Variants in TPH1 observed in about 807,000 individuals in gnomAD.
TPH1 encodes the protein tryptophan 5-hydroxylase 1.
TPH1 carries 37 observed loss-of-function variants against 49.5 expected under a neutral mutation model. The observed-to-expected ratio is 0.75, with a 90% CI of 0.58 to 0.98. The LOEUF (loss-of-function observed/expected upper bound fraction) is 0.98. Ranked by LOEUF, TPH1 falls within the 50% of genes least tolerant of loss-of-function variation. The pLI is 0.00. For synonymous variants in TPH1, 160 were observed against 182.1 expected, an observed-to-expected ratio of 0.88 and a Z score of 0.98; for missense variants, 487 against 523.6, an observed-to-expected ratio of 0.93 and a Z score of 0.68.
intron 7 of TPH1, among the ~76,000 whole-genome samples, chr11:18,025,924 C>T (rs1027381989): frequency 4.6e-5 from 7 of 151,984 alleles, no homozygotes; most frequent in Admixed American, 1.3e-4. Flanking sequence ...TATGGACATC[C>T]ACATGCCACT....
At position 18,017,593 on chromosome 11, in the gene TPH1, G is replaced by A. The variant is rs982033567; in HGVS notation, c.*3398C>T. On this transcript the variant is annotated 3_prime_UTR_variant, in exon 11 of 11. Coordinates refer to ENST00000682019, the MANE Select transcript of TPH1 (RefSeq NM_004179.3). The stretch of plus-strand genomic sequence containing the variant: ...TTTTGTGTTCATTTATTATCCCACT[G>A]AATAACAAACTTGTAAATCATAAAT... 6.6e-6 allele frequency: 1 copy of A among 152,072 alleles called. No individual in the cohort carries two copies. The highest frequency in any genetic ancestry group is 2.4e-5 in the African/African-American group (1 of 41,390). 9.4% of individuals were successfully genotyped at this position (152,072 alleles called of 1,614,324 possible). A position where few individuals can be genotyped will look rare whatever the true frequency, so the allele number is the denominator to read the frequency against.
At chr11:18,038,280 A>G (rs565818099) in intron 2 of TPH1, among the ~76,000 whole-genome samples, 2 of 152,334 alleles carry the variant, frequency 1.3e-5, no homozygotes, top group South Asian at 4.1e-4. Context: ...TCCACTAGGC[A>G]GGGGATAACT....
chr11:18,037,298 C>A (rs1007445111), intron 2 of TPH1, among the ~76,000 whole-genome samples: 2 of 149,754 alleles, frequency 1.3e-5, no homozygotes, highest in African/African-American at 4.9e-5. Context: ...GTTAAGGCTA[C>A]AGTGAGCTGT....
At chr11:18,039,193 A>G (rs1198255596) in intron 2 of TPH1, among the ~76,000 whole-genome samples, 1 of 152,218 alleles carries the variant, frequency 6.6e-6, no homozygotes, top group Non-Finnish European at 1.5e-5. Flanking sequence ...CTTTGCAAAC[A>G]GCTATATAAT....
Position 18,019,402 on chromosome 11 carries a change from A to G in TPH1, c.*1589T>C, listed in dbSNP as rs945622975. The G allele has an allele frequency of 4.2e-6, 1 of 237,446 alleles. No homozygotes were observed. The highest frequency in any genetic ancestry group is 2.3e-5 in the African/African-American group (1 of 43,344). The allele number at this position is 237,446 out of a possible 1,614,324, so 14.7% of individuals were successfully genotyped here. On this transcript the variant is annotated 3_prime_UTR_variant, in exon 11 of 11. Coordinates refer to ENST00000682019, the MANE Select transcript of TPH1 (RefSeq NM_004179.3). ...GGAAAGGAAGCTGATGGACTGTGAT[A>G]TTCAAGTGATTCTGAGTTCCTTTAT...
At chr11:18,037,251 G>A (rs1427790250) in intron 2 of TPH1, among the ~76,000 whole-genome samples, 3 of 151,930 alleles carry the variant, frequency 2.0e-5, no homozygotes, top group Non-Finnish European at 2.9e-5. Flanking sequence ...CCAGCTACTC[G>A]GGATACTGAG....
In TPH1 at chr11:18,018,752, C is replaced by G. The variant is rs1422340308; in HGVS notation, c.*2239G>C. On this transcript the variant is annotated 3_prime_UTR_variant, in exon 11 of 11. Coordinates refer to ENST00000682019, the MANE Select transcript of TPH1 (RefSeq NM_004179.3). ...GTGGATTATAAGGCTGTGCCTTTAACATTTATTCTCATGTGCTTTAGTCAT... is the reference window on the plus strand; with the variant it reads ...GTGGATTATAAGGCTGTGCCTTTAAGATTTATTCTCATGTGCTTTAGTCAT... The G allele has an allele frequency of 2.4e-5, 3 of 126,054 alleles. No homozygotes were observed. Among genetic ancestry groups the G allele is most frequent in the Non-Finnish European group, 4.8e-5 (3 of 62,746 alleles). 7.8% of individuals were successfully genotyped at this position (126,054 alleles called of 1,614,324 possible). A position where few individuals can be genotyped will look rare whatever the true frequency, so the allele number is the denominator to read the frequency against.
chr11:18,018,275 T>C lies in TPH1; in HGVS notation c.*2716A>G, dbSNP rs1187390038. The C allele has an allele frequency of 1.3e-5, 2 of 152,154 alleles. No individual in the cohort carries two copies. The highest frequency in any genetic ancestry group is 2.9e-5 in the Non-Finnish European group (2 of 68,038). The allele number at this position is 152,154 out of a possible 1,614,324, so 9.4% of individuals were successfully genotyped here. On this transcript the variant is annotated 3_prime_UTR_variant, in exon 11 of 11. Transcript: ENST00000682019. The stretch of plus-strand genomic sequence containing the variant: ...TTCCTAGGTGCTTTGAAGACATATA[T>C]TTAAAATGCATGAAAATTCTAAGAC...
At chr11:18,035,362 T>C (rs1381524983) in intron 3 of TPH1, among the ~76,000 whole-genome samples, 1 of 151,386 alleles carries the variant, frequency 6.6e-6, no homozygotes, top group Non-Finnish European at 1.5e-5. Flanking sequence ...TGTCTGTCTT[T>C]CTTTTTCTTT....
At chr11:18,040,545 T>A in intron 2 of TPH1, 101 bp downstream of exon 2, 2 of 1,222,370 alleles carry the variant, frequency 1.6e-6, no homozygotes, top group Non-Finnish European at 2.3e-6. Flanking sequence ...ATTTGTTTTT[T>A]TTTAAGAGAT....
chr11:18,020,226 A>G lies in TPH1; in HGVS notation c.*765T>C, dbSNP rs192366017. The G allele has an allele frequency of 6.5e-6, 1 of 154,236 alleles. No individual in the cohort carries two copies. The highest frequency in any genetic ancestry group is 1.9e-4 in the East Asian group (1 of 5,202). 9.6% of individuals were successfully genotyped at this position (154,236 alleles called of 1,614,324 possible). ...ATAGATAGTCCAGAATAAAACCAGT[A>G]TCGTGTGATGTCATTGAAAGAAAAC... On this transcript the variant is annotated 3_prime_UTR_variant, in exon 11 of 11. Transcript: ENST00000682019.
rs756294670 is a variant in TPH1 at position 18,046,256 on chromosome 11, G to T, written c.-42C>A. ...CCTCACTCACCTCGGGCGCCAGTAG[G>T]TGCAGGCTGGGTCGGCCGGCGGCCC... On this transcript the variant is annotated 5_prime_UTR_variant, in exon 1 of 11. Coordinates refer to ENST00000682019, the MANE Select transcript of TPH1 (RefSeq NM_004179.3). Among the ~76,000 whole-genome samples, 36 of 152,156 alleles carry T rather than the reference G, an allele frequency of 2.4e-4. No homozygotes were observed. The highest frequency in any genetic ancestry group is 4.4e-4 in the Non-Finnish European group (30 of 68,024).
intron 8 of TPH1, among the ~76,000 whole-genome samples, chr11:18,025,147 T>C (rs1847915797): frequency 6.6e-6 from 1 of 152,224 alleles, no homozygotes; most frequent in Non-Finnish European, 1.5e-5. Flanking sequence ...AAAAACACTT[T>C]AGCATAATTT....
At chr11:18,030,885 T>C (rs934185897) in intron 4 of TPH1, among the ~76,000 whole-genome samples, 5 of 152,308 alleles carry the variant, frequency 3.3e-5, no homozygotes, top group South Asian at 2.1e-4. Context: ...TTGAAACTAG[T>C]TGGTGTCTGC....
Position 18,020,965 on chromosome 11 carries a change from A to C in TPH1, c.*26T>G. On this transcript the variant is annotated 3_prime_UTR_variant, in exon 11 of 11. Transcript: ENST00000682019. ...GGCCCAGACCTCCGAATTGATGCTCAAATGTTCCTGGATGACTGGCTACTG... is the reference window on the plus strand; with the variant it reads ...GGCCCAGACCTCCGAATTGATGCTCCAATGTTCCTGGATGACTGGCTACTG... 6.2e-7 allele frequency: 1 copy of C among 1,612,968 alleles called. No homozygotes were observed.
rs1854311435 is a variant in TPH1, at chr11:18,017,621, A to G, written c.*3370T>C. On this transcript the variant is annotated 3_prime_UTR_variant, in exon 11 of 11. Transcript: ENST00000682019. Reference sequence around the variant, plus strand: ...TAACAAACTTGTAAATCATAAATATATATTACATAGTAAAACAAAGATTAG... The same window carrying G: ...TAACAAACTTGTAAATCATAAATATGTATTACATAGTAAAACAAAGATTAG... 1.3e-5 allele frequency: 2 copies of G among 152,246 alleles called. No homozygotes were observed. The highest frequency in any genetic ancestry group is 4.1e-4 in the South Asian group (2 of 4,836). The allele number at this position is 152,246 out of a possible 1,614,324, so 9.4% of individuals were successfully genotyped here.
chr11:18,033,408 AG>A (rs762623050), intron 3 of TPH1, 34 bp from the exon 4 acceptor site: 28 of 1,471,306 alleles, frequency 1.9e-5, no homozygotes, highest in Non-Finnish European at 2.7e-5. Context: ...AATAAAAACC[AG>A]TAAAAGTTGA....
chr11:18,030,615 G>A (rs138891877), intron 4 of TPH1, among the ~76,000 whole-genome samples: 1 of 152,218 alleles, frequency 6.6e-6, no homozygotes, highest in East Asian at 1.9e-4. Flanking sequence ...GCTTAAAGGA[G>A]TTTACATGAA....
At chr11:18,032,445 G>A (rs1269414196) in intron 4 of TPH1, among the ~76,000 whole-genome samples, 1 of 151,646 alleles carries the variant, frequency 6.6e-6, no homozygotes. Flanking sequence ...CTGGGCATGG[G>A]ACAGATATTT....
Sources: allele counts gnomAD v4.1 joint callset (sites outside exome capture counted in the v4.1 genomes callset), GRCh38; gene constraint gnomAD v4.1.1; transcripts MANE v1.5; gene names NCBI Gene and HGNC (gene_info 2026-07-23, HGNC 2026-07-21).